Variants in ERICH1 observed in about 807,000 individuals in gnomAD.
The protein encoded by ERICH1 is glutamate rich 1.
A neutral mutation model predicts 39.6 loss-of-function variants in ERICH1; 56 were observed. The observed-to-expected ratio is 1.41, with a 90% CI of 1.14 to 1.77. ERICH1 has a LOEUF of 1.77. Ranked by LOEUF, ERICH1 falls within the 40% of genes most tolerant of loss-of-function variation. ERICH1 has a pLI of 0.00. For missense variants in ERICH1, 826 were observed against 575.4 expected (o/e 1.44, Z -4.45); for synonymous variants, 313 against 223.6 (o/e 1.40, Z -3.57).
intron 2 of ERICH1, among the ~76,000 whole-genome samples, chr8:713,952 C>G (rs1467533058): frequency 2.8e-5 from 4 of 144,522 alleles, no homozygotes; most frequent in Non-Finnish European, 6.0e-5. Flanking sequence ...GTGCTGCACC[C>G]AGGCGGCCTC....
At chr8:619,560 G>A (rs1797149200) in intron 3 of ERICH1, among the ~76,000 whole-genome samples, 1 of 152,148 alleles carries the variant, frequency 6.6e-6, no homozygotes, top group African/African-American at 2.4e-5. Flanking sequence ...ACCGGGGGAA[G>A]AAAAGAGAAT....
At chr8:716,445 G>C (rs1563341736) in intron 1 of ERICH1, among the ~76,000 whole-genome samples, 1 of 152,252 alleles carries the variant, frequency 6.6e-6, no homozygotes, top group East Asian at 1.9e-4. Flanking sequence ...GAGCAGGTCT[G>C]GCGGGCCCTG....
chr8:665,929 T>C (rs756355144), intron 5 of ERICH1: 36 of 152,226 alleles, frequency 2.4e-4, no homozygotes, highest in Non-Finnish European at 3.5e-4. Context: ...AAAAAACCCT[T>C]AATTTCAAAA....
chr8:728,786 G>A (rs1358710837), intron 1 of ERICH1, among the ~76,000 whole-genome samples: 1 of 152,146 alleles, frequency 6.6e-6, no homozygotes, highest in Admixed American at 6.5e-5. Flanking sequence ...GCACATTTGA[G>A]GAATTTTTAC....
At chr8:649,996 C>G (rs529081609) in intron 3 of ERICH1, among the ~76,000 whole-genome samples, 3 of 152,206 alleles carry the variant, frequency 2.0e-5, no homozygotes, top group Admixed American at 1.3e-4. Flanking sequence ...AGAGCCTGAG[C>G]ACCCCGGACC....
At position 673,457 on chromosome 8, in the gene ERICH1, C is replaced by T. The variant is rs1563224981; in HGVS notation, c.895G>A (p.Ala299Thr). The T allele has an allele frequency of 1.9e-6, 3 of 1,613,852 alleles. No homozygotes were observed. The highest frequency in any genetic ancestry group is 1.7e-6 in the Non-Finnish European group (2 of 1,179,962). ...GTCGGGTCTTCCTCGCTGGCGTCCG[C>T]ACCGTCCTCCTCCCTGGTGTCTTTA... ...DGKDTREEDG[A>T]DASEEDPTWA... Residue 299 changes from alanine (A) to threonine (T), a missense_variant, in exon 4 of 6, where the codon GCG becomes ACG. Physicochemically the swap from Ala to Thr is moderately conservative, Grantham distance 58. Transcript: ENST00000262109.
rs749290913 is a variant in ERICH1, at chr8:673,516, T to A, written c.836A>T (p.Glu279Val). 1 of 1,613,292 alleles carries A rather than the reference T, an allele frequency of 6.2e-7. No homozygotes were observed. Among genetic ancestry groups the A allele is most frequent in the Non-Finnish European group, 8.5e-7 (1 of 1,179,764 alleles). ...CTCCCCGGCCCGTGTCAGGTCTTCC[T>A]CAATGGTGTCCACACCGTCCTCCTC... ...AREEDGVDTI[E>V]EDLTRAGEED... Residue 279 changes from glutamate to valine, a missense_variant, in exon 4 of 6, where the codon GAG becomes GTG. Transcript: ENST00000262109.
intron 3 of ERICH1, among the ~76,000 whole-genome samples, chr8:644,108 T>C (rs1799328494): frequency 6.6e-6 from 1 of 152,210 alleles, no homozygotes; most frequent in Admixed American, 6.5e-5. Flanking sequence ...TCTTAAGTCT[T>C]GGCCGCATGG....
chr8:684,495 G>C (rs764651967), intron 3 of ERICH1, among the ~76,000 whole-genome samples: 1 of 152,090 alleles, frequency 6.6e-6, no homozygotes, highest in Non-Finnish European at 1.5e-5. Flanking sequence ...ACTTGGACTC[G>C]TGACTTTTTG....
chr8:677,289 G>A (rs562262833), intron 3 of ERICH1, among the ~76,000 whole-genome samples: 2 of 152,222 alleles, frequency 1.3e-5, no homozygotes, highest in African/African-American at 2.4e-5. Flanking sequence ...CTCTGTTCAC[G>A]GTCAAACTGA....
rs571646709 is a variant in ERICH1 at position 638,108 on chromosome 8, G to A, written c.977-22824C>T. ...TGACCTGGGGCAGCAGTCAGGCTGC[G>A]GGAGCACAACCCAGGCAAAGCACCT... On this transcript the variant is annotated intron_variant, in intron 3 of 3. Coordinates refer to the ERICH1 transcript ENST00000522706. Among the ~76,000 whole-genome samples the A allele has an allele frequency of 6.6e-5, 10 of 152,356 alleles. 1 individual carries two copies. Among genetic ancestry groups the A allele is most frequent in the Middle Eastern group, 6.8e-3 (2 of 294 alleles).
chr8:724,614 T>A (rs1379930011), intron 1 of ERICH1, among the ~76,000 whole-genome samples: 1 of 152,160 alleles, frequency 6.6e-6, no homozygotes, highest in African/African-American at 2.4e-5. Flanking sequence ...GAGAGGTCAT[T>A]GGGAAGGCCG....
intron 3 of ERICH1, among the ~76,000 whole-genome samples, chr8:650,759 G>C (rs1274740170): frequency 6.6e-6 from 1 of 152,198 alleles, no homozygotes. Flanking sequence ...CTTCTGTTGT[G>C]GGCTCCGAGG....
chr8:663,567 G>T (rs909681586), downstream of ERICH1, among the ~76,000 whole-genome samples: 1 of 152,036 alleles, frequency 6.6e-6, no homozygotes, highest in African/African-American at 2.4e-5. Flanking sequence ...GCACACATGG[G>T]TCCTGGAAGA....
chr8:619,592 T>C (rs1196238605), intron 3 of ERICH1, among the ~76,000 whole-genome samples: 2 of 152,076 alleles, frequency 1.3e-5, no homozygotes, highest in Non-Finnish European at 2.9e-5. Flanking sequence ...AATAAGGAGA[T>C]TAATATAACA....
chr8:625,426 A>T (rs1395049982), intron 3 of ERICH1, among the ~76,000 whole-genome samples: 1 of 152,148 alleles, frequency 6.6e-6, no homozygotes, highest in Non-Finnish European at 1.5e-5. Flanking sequence ...AAGTGGACAA[A>T]TCTACAGAGA....
At chr8:721,442 C>T (rs1476470650) in intron 1 of ERICH1, among the ~76,000 whole-genome samples, 5 of 152,234 alleles carry the variant, frequency 3.3e-5, no homozygotes, top group African/African-American at 9.6e-5. Context: ...CTCACGGACA[C>T]GGCGCCACTT....
intron 2 of ERICH1, among the ~76,000 whole-genome samples, chr8:706,729 C>T (rs1218816782): frequency 5.9e-5 from 9 of 152,126 alleles, no homozygotes; most frequent in African/African-American, 1.4e-4. Context: ...AAGATCATGC[C>T]ATTGTACTCT....
At chr8:677,699 A>T (rs1176879230) in intron 3 of ERICH1, among the ~76,000 whole-genome samples, 2 of 152,164 alleles carry the variant, frequency 1.3e-5, no homozygotes, top group East Asian at 3.8e-4. Context: ...AAAAGATGAA[A>T]TTAAGCCTCT....
Sources: gnomAD v4.1 joint callset for allele counts (sites outside exome capture counted in the v4.1 genomes callset) on GRCh38, gnomAD v4.1.1 for gene constraint, MANE v1.5 for transcripts, NCBI Gene and HGNC (gene_info 2026-07-23, HGNC 2026-07-21) for gene names.